The following OR7E24 variants were observed in gnomAD, a reference collection of about 807,000 sequenced individuals.
The protein encoded by OR7E24 is olfactory receptor family 7 subfamily E member 24.
For missense variants in OR7E24, 385 were observed against 410.3 expected (o/e 0.94, Z 0.53); for synonymous variants, 130 against 157.5 (o/e 0.83, Z 1.31).
the OR7E24 span, chr19:9,219,573 A>G: frequency 6.6e-6 from 1 of 152,228 alleles, no homozygotes; most frequent in East Asian, 1.9e-4. Flanking sequence ...CTTCTACACG[A>G]TCTGTTCCTA....
At chr19:9,231,134 T>G in the OR7E24 span, among the ~76,000 whole-genome samples, 151,262 of 152,000 alleles carry the variant, frequency 1, 75,263 homozygotes, top group East Asian at 1. Context: ...TGGCCAGGCT[T>G]GTCTCAAACT....
chr19:9,246,131 G>A (rs973234780), upstream of OR7E24, among the ~76,000 whole-genome samples: 2 of 130,720 alleles, frequency 1.5e-5, no homozygotes, highest in African/African-American at 3.1e-5. Flanking sequence ...GTGCAGTGGC[G>A]CGATCTCAGC....
the OR7E24 span, among the ~76,000 whole-genome samples, chr19:9,230,687 A>G: frequency 6.6e-6 from 1 of 152,160 alleles, no homozygotes; most frequent in African/African-American, 2.4e-5. Context: ...TTCAAATATT[A>G]CTAAAGAATT....
chr19:9,230,046 ATTT>A, the OR7E24 span, among the ~76,000 whole-genome samples: 5 of 143,010 alleles, frequency 3.5e-5, no homozygotes, highest in African/African-American at 1.0e-4. Context: ...AAGTTCCTGT[ATTT>A]TTTTTTTTTT....
At chr19:9,213,885 G>C in the OR7E24 span, 1 of 1,597,094 alleles carries the variant, frequency 6.3e-7, no homozygotes, top group Non-Finnish European at 8.6e-7. Flanking sequence ...TCTTAGTTCT[G>C]AGGCCCTGAT....
chr19:9,235,570 C>T, the OR7E24 span: 9 of 1,555,290 alleles, frequency 5.8e-6, no homozygotes, highest in African/African-American at 1.1e-4. Flanking sequence ...TCTCTGTGGC[C>T]TCCTGGTTCT....
chr19:9,216,585 CT>C, the OR7E24 span, among the ~76,000 whole-genome samples: 1 of 151,950 alleles, frequency 6.6e-6, no homozygotes, highest in African/African-American at 2.4e-5. Flanking sequence ...CACATATGAA[CT>C]TTTGTTCTTT....
At chr19:9,222,391 A>G in the OR7E24 span, among the ~76,000 whole-genome samples, 11 of 152,338 alleles carry the variant, frequency 7.2e-5, no homozygotes, top group Admixed American at 5.2e-4. Flanking sequence ...TGCTTTGGAT[A>G]GTATGGACAT....
At chr19:9,209,266 C>T in the OR7E24 span, 3 of 152,282 alleles carry the variant, frequency 2.0e-5, no homozygotes, top group African/African-American at 2.4e-5. Flanking sequence ...TTTGATAACT[C>T]AGAGGTCCTT....
the OR7E24 span, among the ~76,000 whole-genome samples, chr19:9,225,781 C>T: frequency 6.6e-6 from 1 of 152,158 alleles, no homozygotes; most frequent in Non-Finnish European, 1.5e-5. Flanking sequence ...TTATCCATTT[C>T]AGAATGAAGG....
chr19:9,246,466 TTGTGTGTGTGTGTGTGTGTGTG>T (rs34518365), upstream of OR7E24, among the ~76,000 whole-genome samples: 1 of 130,986 alleles, frequency 7.6e-6, no homozygotes, highest in Middle Eastern at 3.6e-3. Context: ...CTTAAAGGTA[TTGTGTGTGTGTGTGTGTGTGTG>T]TGTGTGTGTG....
the OR7E24 span, chr19:9,208,445 CAT>C: frequency 6.6e-6 from 1 of 152,194 alleles, no homozygotes; most frequent in African/African-American, 2.4e-5. Context: ...GCTTTTAAAA[CAT>C]ATGTCTTTGT....
At chr19:9,246,514 GTT>G (rs1240496580), upstream of OR7E24, among the ~76,000 whole-genome samples, 4 of 140,702 alleles carry the variant, frequency 2.8e-5, no homozygotes, top group Non-Finnish European at 6.1e-5. Flanking sequence ...GTGTGTGTGT[GTT>G]TTCTTCTCCC....
chr19:9,242,360 T>C (rs2066118537), upstream of OR7E24, among the ~76,000 whole-genome samples: 1 of 152,148 alleles, frequency 6.6e-6, no homozygotes, highest in Non-Finnish European at 1.5e-5. Context: ...AATTCTTGTG[T>C]CTCAGCCTCC....
At chr19:9,211,160 T>G in the OR7E24 span, 1 of 152,348 alleles carries the variant, frequency 6.6e-6, no homozygotes, top group Non-Finnish European at 1.5e-5. Context: ...ATATGTGAGC[T>G]GCCCCATGAG....
the OR7E24 span, among the ~76,000 whole-genome samples, chr19:9,232,208 G>T: frequency 6.6e-6 from 1 of 151,970 alleles, no homozygotes; most frequent in Non-Finnish European, 1.5e-5. Context: ...CAACATGGAG[G>T]CTCCATCTTC....
the OR7E24 span, among the ~76,000 whole-genome samples, chr19:9,222,838 T>G: frequency 6.6e-6 from 1 of 152,318 alleles, no homozygotes. Flanking sequence ...ACTACTATAT[T>G]GAGTAGAAGT....
chr19:9,222,841 G>A, the OR7E24 span, among the ~76,000 whole-genome samples: 3 of 152,082 alleles, frequency 2.0e-5, no homozygotes, highest in Non-Finnish European at 4.4e-5. Flanking sequence ...ACTATATTGA[G>A]TAGAAGTGGT....
the OR7E24 span, among the ~76,000 whole-genome samples, chr19:9,237,114 G>T: frequency 6.6e-6 from 1 of 152,090 alleles, no homozygotes; most frequent in African/African-American, 2.4e-5. Context: ...AGATTCACAG[G>T]CTGGTTCATT....
Sources: allele counts gnomAD v4.1 joint callset (sites outside exome capture counted in the v4.1 genomes callset), GRCh38; gene constraint gnomAD v4.1.1; transcripts MANE v1.5; gene names NCBI Gene and HGNC (gene_info 2026-07-23, HGNC 2026-07-21).